Variants in ZNF264 observed in about 807,000 individuals in gnomAD.
ZNF264 encodes zinc finger protein 264.
Under a neutral mutation model 11.2 loss-of-function variants are expected in ZNF264, and 11 were observed. The ratio of observed to expected loss-of-function variants is 0.98; its 90% CI spans 0.62 to 1.63. ZNF264 has a LOEUF of 1.63. Among genes scored for constraint, ZNF264 ranks in the 40% most tolerant of loss-of-function variants. The probability of loss-of-function intolerance (pLI) is 0.00; values close to 1 mark genes in which losing one functional copy is unlikely to be tolerated. For synonymous variants in ZNF264, 309 were observed against 279.8 expected, an observed-to-expected ratio of 1.10 and a Z score of -1.04; for missense variants, 752 against 768.1, an observed-to-expected ratio of 0.98 and a Z score of 0.25.
intron 2 of ZNF264, among the ~76,000 whole-genome samples, chr19:57,197,249 C>CT (rs1389984824): frequency 6.6e-6 from 1 of 151,810 alleles, no homozygotes; most frequent in Non-Finnish European, 1.5e-5. Flanking sequence ...ATATATACCA[C>CT]TTTCATCTGA....
At chr19:57,192,030 CT>C (rs2087177273) in intron 1 of ZNF264, 84 bp downstream of exon 1, 5 of 1,277,854 alleles carry the variant, frequency 3.9e-6, no homozygotes, top group Non-Finnish European at 5.2e-6. Flanking sequence ...CAGGTATCCC[CT>C]GGATTTGTCT....
At position 57,211,566 on chromosome 19, in the gene ZNF264, G is replaced by A. The variant is rs1459236885; in HGVS notation, c.469G>A (p.Glu157Lys). Residue 157 changes from glutamate (E) to lysine (K), a missense_variant, in exon 4 of 4, where the codon GAA (glutamate) becomes AAA (lysine). By Grantham distance (56) the Glu-to-Lys change is moderately conservative (BLOSUM62 1). Transcript: ENST00000263095. ...QEKSPGKMSPECDGLGTADGV... is the reference protein window; with the variant it reads ...QEKSPGKMSPKCDGLGTADGV... ...GAAGTCTCCTGGGAAGATGAGCCCT[G>A]AATGTGATGGTTTAGGGACAGCTGA... 5.0e-6 allele frequency: 8 copies of A among 1,613,944 alleles called. No individual in the cohort carries two copies. In the East Asian group the frequency reaches 1.6e-4, roughly 31 times the overall value.
intron 2 of ZNF264, among the ~76,000 whole-genome samples, chr19:57,201,168 A>G (rs2087250703): frequency 6.6e-6 from 1 of 151,984 alleles, no homozygotes; most frequent in Non-Finnish European, 1.5e-5. Flanking sequence ...TGTATGGTAC[A>G]TAAGGTTTAA....
rs761532957 is a variant in ZNF264 at position 57,211,973 on chromosome 19, C to A, written c.876C>A (p.Cys292Ter). Residue 292 changes from cysteine (C) to a stop codon, truncating the protein, a stop_gained, in exon 4 of 4, where the codon TGC becomes TGA. Coordinates refer to ENST00000263095, the MANE Select transcript of ZNF264 (RefSeq NM_003417.5). LOFTEE classifies it low-confidence loss of function (END_TRUNC). Reference sequence around the variant, plus strand: ...AGAAGCCTTACAAGTGCAATGAATGCGGAAAGGCCTTCACCCACCGCTCCA... The same window carrying A: ...AGAAGCCTTACAAGTGCAATGAATGAGGAAAGGCCTTCACCCACCGCTCCA... ...SGEKPYKCNE[C>*]GKAFTHRSNF... The A allele has an allele frequency of 6.2e-7, 1 of 1,613,220 alleles. No individual in the cohort carries two copies. Among genetic ancestry groups the A allele is most frequent in the African/African-American group, 1.3e-5 (1 of 74,664 alleles).
chr19:57,199,612 A>G (rs2087236539), intron 2 of ZNF264, among the ~76,000 whole-genome samples: 1 of 151,846 alleles, frequency 6.6e-6, no homozygotes. Flanking sequence ...ATGCATCTGT[A>G]TGTTCCTTCC....
rs554972576 is a variant in ZNF264, at chr19:57,214,126, C to A, written c.*1145C>A. On this transcript the variant is annotated 3_prime_UTR_variant, in exon 4 of 4. Coordinates refer to ENST00000263095, the MANE Select transcript of ZNF264 (RefSeq NM_003417.5). ...ACTTATTATTTTTAGCTATTTCTTT[C>A]GACAGAATCCTTGGAATTTTCTATA... is the stretch of plus-strand genomic sequence containing the variant. 6.6e-6 allele frequency: 1 copy of A among 152,116 alleles called. No homozygotes were observed. The highest frequency in any genetic ancestry group is 2.4e-5 in the African/African-American group (1 of 41,422). The allele number at this position is 152,116 out of a possible 1,614,324, so 9.4% of individuals were successfully genotyped here. A position where few individuals can be genotyped will look rare whatever the true frequency, so the allele number is the denominator to read the frequency against.
chr19:57,195,092 C>T, intron 2 of ZNF264: 1 of 334,704 alleles, frequency 3.0e-6, no homozygotes, highest in Non-Finnish European at 5.4e-6. Flanking sequence ...ATCACAACTC[C>T]ATCCCTTGTC....
intron 3 of ZNF264, among the ~76,000 whole-genome samples, chr19:57,209,829 C>T (rs1367697551): frequency 6.6e-6 from 1 of 152,012 alleles, no homozygotes; most frequent in Non-Finnish European, 1.5e-5. Flanking sequence ...AACTTCTGGG[C>T]TCGAGTAATC....
chr19:57,207,545 C>CTTTTTTTT (rs757880568), intron 3 of ZNF264, among the ~76,000 whole-genome samples: 1 of 103,120 alleles, frequency 9.7e-6, no homozygotes, highest in Non-Finnish European at 2.1e-5. Flanking sequence ...TTTTTCTTTT[C>CTTTTTTTT]TTTTTTTTTT....
rs1568477394 is a variant in ZNF264, at chr19:57,212,664, AG to A, written c.1568del (p.Ser523ThrfsTer47). 1 of 1,613,954 alleles carries A rather than the reference AG, an allele frequency of 6.2e-7. No individual in the cohort carries two copies. The highest frequency in any genetic ancestry group is 8.5e-7 in the Non-Finnish European group (1 of 1,180,000). ...CVECGKSFCW[S>X]TNLIRHAIIH... ...TGAGTGTGGGAAATCGTTTTGCTGG[AG>A]CACAAACCTCATTCGACATGCCATT... On this transcript the variant is annotated frameshift_variant, in exon 4 of 4. Transcript: ENST00000263095. LOFTEE classifies it low-confidence loss of function (END_TRUNC).
chr19:57,198,822 A>G lies in ZNF264; in HGVS notation c.160+4821A>G, dbSNP rs144380583. ...CTTAGGGAAGGATGAGAGAAAGATTAACAGCATAAATTGTCAGTAGTGTAG... is the reference window on the plus strand; with the variant it reads ...CTTAGGGAAGGATGAGAGAAAGATTGACAGCATAAATTGTCAGTAGTGTAG... On this transcript the variant is annotated intron_variant, in intron 2 of 3. Coordinates refer to ENST00000263095, the MANE Select transcript of ZNF264 (RefSeq NM_003417.5). Among the ~76,000 whole-genome samples the G allele has an allele frequency of 2.3e-3, 344 of 152,036 alleles. 7 individuals carry two copies. Among genetic ancestry groups the G allele is most frequent in the African/African-American group, 8.1e-3 (333 of 41,328 alleles).
chr19:57,193,971 C>G lies in ZNF264; in HGVS notation c.130C>G (p.Leu44Val). ...GCGGACCCTGTACCAGGAGGTGATG[C>G]TGGAAAACTGTGGGCTCCTGGTGTC... ...AQRTLYQEVMLENCGLLVSLG... is the reference protein window; with the variant it reads ...AQRTLYQEVMVENCGLLVSLG... Residue 44 changes from leucine to valine, a missense_variant, in exon 2 of 4, where the codon CTG becomes GTG. By Grantham distance (32) the Leu-to-Val change is conservative (BLOSUM62 1). Coordinates refer to ENST00000263095, the MANE Select transcript of ZNF264 (RefSeq NM_003417.5). The G allele has an allele frequency of 6.2e-7, 1 of 1,613,248 alleles. No homozygotes were observed. Among genetic ancestry groups the G allele is most frequent in the South Asian group, 1.1e-5 (1 of 91,024 alleles).
Position 57,213,254 on chromosome 19 carries a change from G to A in ZNF264, c.*273G>A, listed in dbSNP as rs556778866. The A allele has an allele frequency of 9.9e-6, 3 of 302,034 alleles. No homozygotes were observed. The highest frequency in any genetic ancestry group is 1.8e-5 in the Non-Finnish European group (3 of 162,214). 18.7% of individuals were successfully genotyped at this position (302,034 alleles called of 1,614,324 possible). The stretch of plus-strand genomic sequence containing the variant: ...TTCTCTGCCAAGCCTATGGCGCTTT[G>A]TCATGGATTTCTTAGTGTATTTGGG... On this transcript the variant is annotated 3_prime_UTR_variant, in exon 4 of 4. Transcript: ENST00000263095.
At chr19:57,202,321 A>G (rs1490571121) in intron 2 of ZNF264, among the ~76,000 whole-genome samples, 1 of 151,998 alleles carries the variant, frequency 6.6e-6, no homozygotes, top group African/African-American at 2.4e-5. Flanking sequence ...AATTCGTGAA[A>G]GAAGAGGGCA....
At chr19:57,200,281 A>G (rs992281443) in intron 2 of ZNF264, among the ~76,000 whole-genome samples, 2 of 151,550 alleles carry the variant, frequency 1.3e-5, no homozygotes, top group Non-Finnish European at 2.9e-5. Context: ...TGTGTGGGAG[A>G]ACCCTGATGA....
intron 2 of ZNF264, among the ~76,000 whole-genome samples, chr19:57,199,294 G>A (rs187570353): frequency 6.6e-6 from 1 of 152,042 alleles, no homozygotes; most frequent in African/African-American, 2.4e-5. Flanking sequence ...TGCAGGTGCT[G>A]CCCTCGCAAA....
In ZNF264 at chr19:57,221,079, C is replaced by T. The variant is rs1007467280; in HGVS notation, c.*8098C>T. On this transcript the variant is annotated 3_prime_UTR_variant, in exon 4 of 4. Transcript: ENST00000263095. ...TTGTTTGTTTGTTTTGAGATGGAGT[C>T]TCACTCTGTCACCCATGCTGGTGTG... is the stretch of plus-strand genomic sequence containing the variant. The T allele has an allele frequency of 2.6e-5, 4 of 152,296 alleles. No individual in the cohort carries two copies. Among genetic ancestry groups the T allele is most frequent in the African/African-American group, 9.7e-5 (4 of 41,352 alleles). 9.4% of individuals were successfully genotyped at this position (152,296 alleles called of 1,614,324 possible).
At chr19:57,209,126 T>C (rs1419917289) in intron 3 of ZNF264, among the ~76,000 whole-genome samples, 1 of 152,174 alleles carries the variant, frequency 6.6e-6, no homozygotes, top group African/African-American at 2.4e-5. Flanking sequence ...TTTTGTTCTC[T>C]TACTCTCTTT....
Position 57,215,762 on chromosome 19 carries a change from C to T in ZNF264, c.*2781C>T, listed in dbSNP as rs2087375905. The T allele has an allele frequency of 6.6e-6, 1 of 152,148 alleles. No homozygotes were observed. The highest frequency in any genetic ancestry group is 1.5e-5 in the Non-Finnish European group (1 of 68,020). 9.4% of individuals were successfully genotyped at this position (152,148 alleles called of 1,614,324 possible). A position where few individuals can be genotyped will look rare whatever the true frequency, so the allele number is the denominator to read the frequency against. On this transcript the variant is annotated 3_prime_UTR_variant, in exon 4 of 4. Transcript: ENST00000263095. The stretch of plus-strand genomic sequence containing the variant: ...GTTTTTATTTTTTGAGACATTCTCT[C>T]TTAGCCATGAATTATTTAATAGTAT...
Sources: allele counts gnomAD v4.1 joint callset (sites outside exome capture counted in the v4.1 genomes callset), GRCh38; gene constraint gnomAD v4.1.1; transcripts MANE v1.5; gene names NCBI Gene and HGNC (gene_info 2026-07-23, HGNC 2026-07-21).